Variants in NXPH1 observed in about 807,000 individuals in gnomAD.
NXPH1 encodes neurexophilin-1.
In NXPH1, 5 loss-of-function variants were observed where a neutral mutation model predicts 23.7. That is an observed-to-expected ratio of 0.21 (90% confidence interval 0.11 to 0.44). The LOEUF is 0.44. Among genes scored for constraint, NXPH1 ranks in the 20% least tolerant of loss-of-function variants. The pLI is 0.99. For synonymous variants in NXPH1, 144 were observed against 122.2 expected (o/e 1.18, Z -1.18); for missense variants, 324 against 321.6 (o/e 1.01, Z -0.06).
At chr7:8,699,210 AC>A (rs1779582637) in intron 2 of NXPH1, among the ~76,000 whole-genome samples, 1 of 152,144 alleles carries the variant, frequency 6.6e-6, no homozygotes, top group South Asian at 2.1e-4. Flanking sequence ...AAACGTGAAA[AC>A]AGGTTCCTAT....
chr7:8,618,235 T>C (rs146525031), intron 2 of NXPH1, among the ~76,000 whole-genome samples: 33 of 152,276 alleles, frequency 2.2e-4, no homozygotes, highest in African/African-American at 7.9e-4. Context: ...ATCTATTTTA[T>C]GGTATTAGCA....
intron 2 of NXPH1, among the ~76,000 whole-genome samples, chr7:8,624,240 G>A (rs1285988537): frequency 6.6e-6 from 1 of 152,064 alleles, no homozygotes; most frequent in Non-Finnish European, 1.5e-5. Context: ...TTTGAATAAG[G>A]GCAGGAATGT....
At chr7:8,564,834 C>G (rs1818511742) in intron 2 of NXPH1, among the ~76,000 whole-genome samples, 1 of 151,746 alleles carries the variant, frequency 6.6e-6, no homozygotes, top group Admixed American at 6.6e-5. Context: ...GAGTTTGTAA[C>G]AGTCTTTGCT....
chr7:8,445,499 G>A (rs185214268), intron 2 of NXPH1, among the ~76,000 whole-genome samples: 6 of 152,306 alleles, frequency 3.9e-5, no homozygotes, highest in Admixed American at 3.9e-4. Flanking sequence ...GTGTAACGGG[G>A]CCTTCTAGAG....
At chr7:8,605,796 G>A (rs1819474119) in intron 2 of NXPH1, among the ~76,000 whole-genome samples, 1 of 152,008 alleles carries the variant, frequency 6.6e-6, no homozygotes, top group African/African-American at 2.4e-5. Flanking sequence ...GCATCAAAAG[G>A]CATCAGAAGG....
At chr7:8,506,642 A>G (rs1817528274) in intron 2 of NXPH1, among the ~76,000 whole-genome samples, 1 of 152,002 alleles carries the variant, frequency 6.6e-6, no homozygotes, top group Non-Finnish European at 1.5e-5. Context: ...GAGTGGGAAG[A>G]CAGGATCCTG....
At chr7:8,452,760 A>G (rs1816529307) in intron 2 of NXPH1, among the ~76,000 whole-genome samples, 1 of 152,126 alleles carries the variant, frequency 6.6e-6, no homozygotes, top group South Asian at 2.1e-4. Context: ...AGGATTATAG[A>G]AGTTGGTGCC....
chr7:8,450,412 C>T (rs1312734601), intron 2 of NXPH1, among the ~76,000 whole-genome samples: 1 of 152,248 alleles, frequency 6.6e-6, no homozygotes. Flanking sequence ...AAAAGAGTTT[C>T]AGACATCCAA....
At chr7:8,716,784 C>CCCCAAGAAATAACATGCAAG (rs1779885406) in intron 2 of NXPH1, among the ~76,000 whole-genome samples, 1 of 152,126 alleles carries the variant, frequency 6.6e-6, no homozygotes, top group South Asian at 2.1e-4. Context: ...TATTTAAAAA[C>CCCCAAGAAATAACATGCAAG]TTATGTACTA....
intron 2 of NXPH1, among the ~76,000 whole-genome samples, chr7:8,616,023 A>G (rs1819727570): frequency 6.6e-6 from 1 of 152,072 alleles, no homozygotes; most frequent in Admixed American, 6.6e-5. Context: ...ATTAAAATGA[A>G]AGATAGATTA....
chr7:8,569,035 CTG>C (rs1818600577), intron 2 of NXPH1, among the ~76,000 whole-genome samples: 1 of 151,936 alleles, frequency 6.6e-6, no homozygotes, highest in East Asian at 1.9e-4. Context: ...GAATTTAAAA[CTG>C]TTTTGATGAA....
intron 2 of NXPH1, among the ~76,000 whole-genome samples, chr7:8,478,612 C>G (rs1348642235): frequency 6.6e-6 from 1 of 151,838 alleles, no homozygotes; most frequent in Admixed American, 6.6e-5. Context: ...AGAAAACTTT[C>G]CAGAAATAAA....
rs1816142197 is a variant in NXPH1 at position 8,433,905 on chromosome 7, T to C, written c.-961T>C. The C allele has an allele frequency of 6.6e-6, 1 of 152,156 alleles. No individual in the cohort carries two copies. Among genetic ancestry groups the C allele is most frequent in the Non-Finnish European group, 1.5e-5 (1 of 68,070 alleles). 9.4% of individuals were successfully genotyped at this position (152,156 alleles called of 1,614,324 possible). ...CGCGAGAGCCTGAGAGCCGGATCTGTTTACACAGGGTACTAATTAGTCTTT... is the reference window on the plus strand; with the variant it reads ...CGCGAGAGCCTGAGAGCCGGATCTGCTTACACAGGGTACTAATTAGTCTTT... On this transcript the variant is annotated 5_prime_UTR_variant, in exon 1 of 3. Transcript: ENST00000405863. This position sits in a 1 kb window ranked among gnomAD's most constrained non-coding sequence, Gnocchi z 6.8.
intron 2 of NXPH1, among the ~76,000 whole-genome samples, chr7:8,527,619 A>G (rs780281421): frequency 8.5e-5 from 13 of 152,196 alleles, no homozygotes; most frequent in Non-Finnish European, 1.8e-4. Context: ...GGTGTTCCAT[A>G]CTTTTGAATG....
intron 2 of NXPH1, among the ~76,000 whole-genome samples, chr7:8,595,570 A>G (rs1210695490): frequency 4.6e-5 from 7 of 152,122 alleles, no homozygotes; most frequent in Non-Finnish European, 8.8e-5. Context: ...ATATTGATTT[A>G]ATCTGCTAGG....
At chr7:8,703,621 G>A (rs917704173) in intron 2 of NXPH1, among the ~76,000 whole-genome samples, 2 of 152,196 alleles carry the variant, frequency 1.3e-5, no homozygotes, top group East Asian at 3.9e-4. Context: ...GAAATGAAGT[G>A]TCTGCTGAAG....
At chr7:8,728,886 A>G (rs1336223805) in intron 2 of NXPH1, among the ~76,000 whole-genome samples, 16 of 150,682 alleles carry the variant, frequency 1.1e-4, no homozygotes, top group Non-Finnish European at 1.2e-4. Flanking sequence ...CTCTTTTTCT[A>G]TTGATTGGAA....
chr7:8,707,598 A>G (rs1281409432), intron 2 of NXPH1, among the ~76,000 whole-genome samples: 1 of 152,058 alleles, frequency 6.6e-6, no homozygotes, highest in Non-Finnish European at 1.5e-5. Context: ...GTATATATAT[A>G]TATACTCATC....
chr7:8,508,901 G>A (rs375539077), intron 2 of NXPH1, among the ~76,000 whole-genome samples: 2 of 151,904 alleles, frequency 1.3e-5, no homozygotes, highest in East Asian at 1.9e-4. Context: ...TTGGGGAGGC[G>A]GGCACATTAG....
Sources: gnomAD v4.1 joint callset for allele counts (sites outside exome capture counted in the v4.1 genomes callset) on GRCh38, gnomAD v4.1.1 for gene constraint, Gnocchi (gnomAD v3.1) non-coding constraint, MANE v1.5 for transcripts, NCBI Gene and HGNC (gene_info 2026-07-23, HGNC 2026-07-21) for gene names.